The following CNTNAP5 variants were observed in gnomAD, a reference collection of about 807,000 sequenced individuals.
CNTNAP5 encodes contactin-associated protein-like 5.
In CNTNAP5, 72 loss-of-function variants were observed where a neutral mutation model predicts 150.2. That is an observed-to-expected ratio of 0.48 (90% CI 0.40 to 0.58). CNTNAP5 has a LOEUF of 0.58. CNTNAP5 is among the 20% of genes least tolerant of loss of function. The pLI is 0.00. For missense variants in CNTNAP5, 1,636 were observed against 1,626.2 expected, an observed-to-expected ratio of 1.01 and a Z score of -0.10; for synonymous variants, 672 against 619.8, an observed-to-expected ratio of 1.08 and a Z score of -1.25.
At chr2:124,832,402 A>G (rs371114403) in intron 19 of CNTNAP5, among the ~76,000 whole-genome samples, 6 of 152,140 alleles carry the variant, frequency 3.9e-5, no homozygotes, top group East Asian at 1.9e-4. Flanking sequence ...AAATAAAAAT[A>G]TTATAGTTTT....
At chr2:124,706,610 G>T (rs535663361) in intron 13 of CNTNAP5, among the ~76,000 whole-genome samples, 1 of 151,792 alleles carries the variant, frequency 6.6e-6, no homozygotes, top group Non-Finnish European at 1.5e-5. Flanking sequence ...AGCGGCTCAT[G>T]GTGGTACATG....
intron 3 of CNTNAP5, among the ~76,000 whole-genome samples, chr2:124,286,159 A>T (rs1688144812): frequency 6.6e-6 from 1 of 152,200 alleles, no homozygotes; most frequent in Admixed American, 6.5e-5. Flanking sequence ...AGGTAAAATG[A>T]TCTCCAGCAG....
chr2:124,462,616 G>T (rs1693280364), intron 6 of CNTNAP5, among the ~76,000 whole-genome samples: 1 of 152,150 alleles, frequency 6.6e-6, no homozygotes, highest in Non-Finnish European at 1.5e-5. Flanking sequence ...ACTTCTAGTG[G>T]AAGTGGCCAA....
intron 11 of CNTNAP5, among the ~76,000 whole-genome samples, chr2:124,597,842 TC>T (rs2104968539): frequency 6.8e-6 from 1 of 147,862 alleles, no homozygotes; most frequent in East Asian, 2.1e-4. Flanking sequence ...TTTGCTCATT[TC>T]TTTTTATTCT....
chr2:124,878,885 G>A (rs1677913237), intron 21 of CNTNAP5, among the ~76,000 whole-genome samples: 1 of 151,820 alleles, frequency 6.6e-6, no homozygotes, highest in South Asian at 2.1e-4. Flanking sequence ...GTTTCACCAT[G>A]TTGGCCAGGC....
At chr2:124,057,360 C>T (rs1407393578) in intron 1 of CNTNAP5, among the ~76,000 whole-genome samples, 1 of 148,962 alleles carries the variant, frequency 6.7e-6, no homozygotes, top group South Asian at 2.1e-4. Flanking sequence ...CGGCTCACTG[C>T]AAACTCTGCC....
intron 4 of CNTNAP5, among the ~76,000 whole-genome samples, chr2:124,432,139 C>A (rs1692406718): frequency 1.3e-5 from 2 of 152,088 alleles, no homozygotes; most frequent in Non-Finnish European, 2.9e-5. Flanking sequence ...GAGGGGTGTA[C>A]CCAGTGCTAG....
At position 124,669,909 on chromosome 2, in the gene CNTNAP5, G is replaced by A. The variant is rs377257504; in HGVS notation, c.2077+21951G>A. 7.2e-4 allele frequency among the ~76,000 whole-genome samples: 110 copies of A among 152,130 alleles called. 1 individual carries two copies. The highest frequency in any genetic ancestry group is 2.5e-3 in the African/African-American group (102 of 41,508). ...CATCACCTGTCTTTTTGATTACTAC[G>A]ATTGCTTCTTCTCAAACACCTCTCA... On this transcript the variant is annotated intron_variant, in intron 13 of 23. Transcript: ENST00000682447.
At chr2:124,073,616 G>A (rs769169274) in intron 1 of CNTNAP5, among the ~76,000 whole-genome samples, 14 of 152,144 alleles carry the variant, frequency 9.2e-5, no homozygotes, top group Non-Finnish European at 1.8e-4. Flanking sequence ...TCAGATAAAT[G>A]CAAAGGAAAA....
At chr2:124,777,345 A>T (rs927321927) in intron 17 of CNTNAP5, among the ~76,000 whole-genome samples, 1 of 152,136 alleles carries the variant, frequency 6.6e-6, no homozygotes, top group Non-Finnish European at 1.5e-5. Flanking sequence ...CATTTAACCC[A>T]TCCCAACACC....
chr2:124,059,277 C>T (rs1444031793), intron 1 of CNTNAP5, among the ~76,000 whole-genome samples: 1 of 152,134 alleles, frequency 6.6e-6, no homozygotes, highest in African/African-American at 2.4e-5. Context: ...AAAGTCGTAA[C>T]TATAAAATGA....
At chr2:124,336,093 T>A (rs1689460213) in intron 3 of CNTNAP5, among the ~76,000 whole-genome samples, 1 of 152,096 alleles carries the variant, frequency 6.6e-6, no homozygotes, top group Admixed American at 6.6e-5. Context: ...AAATGTTTTT[T>A]ATGAGAAATG....
chr2:124,493,587 G>A (rs1473265290), intron 7 of CNTNAP5, among the ~76,000 whole-genome samples: 2 of 151,996 alleles, frequency 1.3e-5, no homozygotes, highest in Non-Finnish European at 2.9e-5. Context: ...TGATCCGCCT[G>A]CCTCTGCCTC....
intron 7 of CNTNAP5, among the ~76,000 whole-genome samples, chr2:124,480,293 G>A (rs1380455138): frequency 6.6e-6 from 1 of 152,170 alleles, no homozygotes; most frequent in Admixed American, 6.5e-5. Flanking sequence ...ACTTAAAAAA[G>A]TGTTGCCTGA....
chr2:124,584,027 C>G (rs72845252), intron 11 of CNTNAP5, among the ~76,000 whole-genome samples: 3,958 of 152,278 alleles, frequency 0.026, 57 homozygotes, highest in Middle Eastern at 0.034. Context: ...CAAACTCCAG[C>G]ATCTGATGAG....
intron 4 of CNTNAP5, among the ~76,000 whole-genome samples, chr2:124,419,988 C>CTT (rs772589224): frequency 4.2e-4 from 33 of 78,884 alleles, no homozygotes; most frequent in African/African-American, 8.4e-4. Context: ...TTCTTTCTTT[C>CTT]TTTTTTTTTT....
intron 6 of CNTNAP5, among the ~76,000 whole-genome samples, chr2:124,462,802 A>G (rs1015162553): frequency 6.6e-6 from 1 of 152,222 alleles, no homozygotes; most frequent in Admixed American, 6.5e-5. Flanking sequence ...CTAAGAAACG[A>G]ATGAATCAAA....
At chr2:124,833,379 T>G (rs1272762499) in intron 19 of CNTNAP5, among the ~76,000 whole-genome samples, 1 of 152,168 alleles carries the variant, frequency 6.6e-6, no homozygotes, top group Non-Finnish European at 1.5e-5. Context: ...ATGCAGGGGC[T>G]TTAAGGGCCA....
chr2:124,114,440 A>G (rs1683377190), intron 1 of CNTNAP5, among the ~76,000 whole-genome samples: 1 of 152,002 alleles, frequency 6.6e-6, no homozygotes, highest in African/African-American at 2.4e-5. Context: ...TTACTGGTAT[A>G]CGGAAGTAAA....
Sources: gnomAD v4.1 joint callset for allele counts (sites outside exome capture counted in the v4.1 genomes callset) on GRCh38, gnomAD v4.1.1 for gene constraint, MANE v1.5 for transcripts, NCBI Gene and HGNC (gene_info 2026-07-23, HGNC 2026-07-21) for gene names.